Variants in PDGFD observed in about 807,000 individuals in gnomAD.
PDGFD encodes the protein platelet derived growth factor D, also known as platelet-derived growth factor D.
In PDGFD, 30 loss-of-function variants were observed where a neutral mutation model predicts 44.7. The ratio of observed to expected loss-of-function variants is 0.67; its 90% CI spans 0.50 to 0.91. The LOEUF (loss-of-function observed/expected upper bound fraction) is 0.91, where lower values mean the gene tolerates loss of function less well. PDGFD is among the 40% of genes least tolerant of loss of function. PDGFD has a pLI of 0.00. For synonymous variants in PDGFD, 173 were observed against 168.4 expected (o/e 1.03, Z -0.21); for missense variants, 445 against 457.8 (o/e 0.97, Z 0.25).
chr11:104,143,964 G>A (rs767366705), intron 1 of PDGFD, among the ~76,000 whole-genome samples: 4 of 150,692 alleles, frequency 2.7e-5, no homozygotes, highest in African/African-American at 4.9e-5. Flanking sequence ...AGAAAGCTTC[G>A]ATTGGCAAGT....
At chr11:103,928,064 G>A (rs1158330888) in intron 5 of PDGFD, among the ~76,000 whole-genome samples, 2 of 152,158 alleles carry the variant, frequency 1.3e-5, no homozygotes, top group East Asian at 3.8e-4. Context: ...CAAGGGATAT[G>A]GTCAGTGGGA....
intron 3 of PDGFD, among the ~76,000 whole-genome samples, chr11:103,951,626 C>A (rs150143689): frequency 6.6e-6 from 1 of 152,148 alleles, no homozygotes; most frequent in Non-Finnish European, 1.5e-5. Context: ...TTCTTTCAGT[C>A]CTGCAAATAA....
rs886733483 is a variant in PDGFD, at chr11:104,163,971, G to A, written c.-44C>T. The A allele has an allele frequency of 2.0e-6, 3 of 1,494,792 alleles. No homozygotes were observed. The highest frequency in any genetic ancestry group is 2.4e-5 in the East Asian group (1 of 41,928). The allele number at this position is 1,494,792 out of a possible 1,614,324, so 92.6% of individuals were successfully genotyped here. A position where few individuals can be genotyped will look rare whatever the true frequency, so the allele number is the denominator to read the frequency against. On this transcript the variant is annotated 5_prime_UTR_variant, in exon 1 of 7. Coordinates refer to ENST00000393158, the MANE Select transcript of PDGFD (RefSeq NM_025208.5). ...GACAGCGTCGCTCCAAGAAAAAGCC[G>A]GGTTCTGCTCCCGGGACCGACGCCG...
intron 1 of PDGFD, among the ~76,000 whole-genome samples, chr11:104,091,515 A>G (rs948348113): frequency 2.0e-5 from 3 of 152,196 alleles, no homozygotes; most frequent in Admixed American, 1.3e-4. Context: ...TTTACATTGT[A>G]TTAACTGCAG....
chr11:104,083,559 G>A (rs1861077709), intron 1 of PDGFD, among the ~76,000 whole-genome samples: 1 of 152,068 alleles, frequency 6.6e-6, no homozygotes, highest in South Asian at 2.1e-4. Flanking sequence ...TAATTGCACA[G>A]AAAATGTCTC....
At chr11:103,996,444 G>C (rs1045562915) in intron 2 of PDGFD, among the ~76,000 whole-genome samples, 199 bp from the exon 3 acceptor site, 1 of 152,140 alleles carries the variant, frequency 6.6e-6, no homozygotes, top group African/African-American at 2.4e-5. Flanking sequence ...AATCTATTCT[G>C]AGAAAACCTT....
rs189943530 is a variant in PDGFD, at chr11:104,072,497, C to T, written c.125-72242G>A. ...TTATCATTGCTTCTGTAAGGTTTTT[C>T]GGGTATACAATCGTATCATCTACAT... On this transcript the variant is annotated intron_variant, in intron 1 of 6. Coordinates refer to ENST00000393158, the MANE Select transcript of PDGFD (RefSeq NM_025208.5). 1.8e-4 allele frequency among the ~76,000 whole-genome samples: 28 copies of T among 151,740 alleles called. 1 individual carries two copies. In the East Asian group the frequency reaches 5.4e-3, roughly 29 times the overall value.
intron 1 of PDGFD, among the ~76,000 whole-genome samples, chr11:104,068,837 T>C (rs1270576144): frequency 2.0e-5 from 3 of 152,190 alleles, no homozygotes; most frequent in African/African-American, 7.2e-5. Context: ...CCTCTGTGTG[T>C]GTGTCTGCGT....
intron 1 of PDGFD, among the ~76,000 whole-genome samples, chr11:104,074,851 T>C (rs1860932248): frequency 6.6e-6 from 1 of 152,150 alleles, no homozygotes; most frequent in Non-Finnish European, 1.5e-5. Context: ...AGTAGGTAGA[T>C]GGGGAAATTA....
intron 3 of PDGFD, among the ~76,000 whole-genome samples, chr11:103,955,641 G>C (rs1858831290): frequency 6.6e-6 from 1 of 152,130 alleles, no homozygotes; most frequent in Non-Finnish European, 1.5e-5. Context: ...TTAATACAAG[G>C]ATATCAAGAG....
chr11:104,050,555 A>G lies in PDGFD; in HGVS notation c.125-50300T>C, dbSNP rs115907137. Among the ~76,000 whole-genome samples, 609 of 152,212 alleles carry G rather than the reference A, an allele frequency of 4.0e-3. 4 individuals are homozygous for G. Among genetic ancestry groups the G allele is most frequent in the African/African-American group, 0.014 (582 of 41,538 alleles). On this transcript the variant is annotated intron_variant, in intron 1 of 6. Coordinates refer to ENST00000393158, the MANE Select transcript of PDGFD (RefSeq NM_025208.5). Reference sequence around the variant, plus strand: ...CAGTTTTGCCACTTCCTGGACATACACCCTTGGGCAAGGCACCAAACCTTT... The same window carrying G: ...CAGTTTTGCCACTTCCTGGACATACGCCCTTGGGCAAGGCACCAAACCTTT...
intron 5 of PDGFD, among the ~76,000 whole-genome samples, chr11:103,940,063 C>T (rs1475541559): frequency 6.6e-6 from 1 of 152,062 alleles, no homozygotes; most frequent in Non-Finnish European, 1.5e-5. Flanking sequence ...TGTTTCCTCT[C>T]TCTCTCTTTC....
At chr11:104,063,330 GGAGAGA>G (rs149925266) in intron 1 of PDGFD, among the ~76,000 whole-genome samples, 4 of 148,380 alleles carry the variant, frequency 2.7e-5, no homozygotes, top group South Asian at 2.1e-4. Flanking sequence ...GAGAGAGAGA[GGAGAGA>G]GAGAGAGAGA....
intron 4 of PDGFD, among the ~76,000 whole-genome samples, chr11:103,947,156 C>T (rs898186591): frequency 2.6e-5 from 4 of 152,180 alleles, no homozygotes; most frequent in Admixed American, 2.6e-4. Context: ...CATTTTACAG[C>T]TTCAGGGTGA....
At chr11:104,109,112 A>T (rs1861513737) in intron 1 of PDGFD, among the ~76,000 whole-genome samples, 1 of 151,794 alleles carries the variant, frequency 6.6e-6, no homozygotes, top group African/African-American at 2.4e-5. Context: ...ATGATGAATT[A>T]ATGGGTGCAG....
intron 3 of PDGFD, among the ~76,000 whole-genome samples, chr11:103,959,580 T>G (rs1858906249): frequency 1.3e-5 from 2 of 152,162 alleles, no homozygotes; most frequent in Admixed American, 6.5e-5. Flanking sequence ...ATTTTGGATC[T>G]CCAAAGCAGG....
At position 104,009,543 on chromosome 11, in the gene PDGFD, C is replaced by A. The variant is rs370018247; in HGVS notation, c.125-9288G>T. Among the ~76,000 whole-genome samples, 42 of 151,750 alleles carry A rather than the reference C, an allele frequency of 2.8e-4. 1 individual carries two copies. The highest frequency in any genetic ancestry group is 8.9e-4 in the African/African-American group (37 of 41,342). ...AAGTGTCCTAAGATGCAAAACAGTA[C>A]CTTAATTGATGAGACAATGTGCGGT... On this transcript the variant is annotated intron_variant, in intron 1 of 6. Transcript: ENST00000393158.
chr11:103,927,165 A>G, intron 5 of PDGFD, 39 bp from the exon 6 acceptor site: 25 of 1,552,232 alleles, frequency 1.6e-5, no homozygotes, highest in Non-Finnish European at 2.1e-5. Flanking sequence ...CAAACACAAC[A>G]GTAAGCACAA....
At chr11:103,923,331 G>A (rs1019968835) in intron 6 of PDGFD, among the ~76,000 whole-genome samples, 4 of 152,056 alleles carry the variant, frequency 2.6e-5, no homozygotes, top group Admixed American at 6.6e-5. Flanking sequence ...AGTGAAAACC[G>A]CTCAAAACCC....
Sources: allele counts gnomAD v4.1 joint callset (sites outside exome capture counted in the v4.1 genomes callset), GRCh38; gene constraint gnomAD v4.1.1; transcripts MANE v1.5; gene names NCBI Gene and HGNC (gene_info 2026-07-23, HGNC 2026-07-21).